The following RGS20 variants were observed in gnomAD, a reference collection of about 807,000 sequenced individuals.
RGS20 encodes gz-selective GTPase-activating protein.
In RGS20, 30 loss-of-function variants were observed where a neutral mutation model predicts 33.6. The ratio of observed to expected loss-of-function variants is 0.89; its 90% CI spans 0.67 to 1.21. RGS20 has a LOEUF of 1.21. RGS20 is among the 50% of genes most tolerant of loss of function. RGS20 has a pLI of 0.00. For missense variants in RGS20, 472 were observed against 502.4 expected (o/e 0.94, Z 0.58); for synonymous variants, 208 against 197.9 (o/e 1.05, Z -0.43).
rs34316630 is a variant in RGS20, at chr8:53,889,412, C to CTTT, written c.510+9847_510+9849dup. On this transcript the variant is annotated intron_variant, in intron 2 of 5. Transcript: ENST00000297313. ...TCTTTCTTTCTTTCTCTCTCTCTCT[C>CTTT]TTTTTTTTTTTTTTTTTTTTTTTTT... 4.3e-3 allele frequency among the ~76,000 whole-genome samples: 178 copies of CTTT among 41,824 alleles called. 45 individuals are homozygous for CTTT. Among genetic ancestry groups the CTTT allele is most frequent in the Non-Finnish European group, 6.9e-3 (111 of 16,094 alleles). 27.4% of individuals were successfully genotyped at this position (41,824 alleles called of 152,430 possible). A position where few individuals can be genotyped will look rare whatever the true frequency, so the allele number is the denominator to read the frequency against.
chr8:53,857,227 C>T (rs1048106584), intron 1 of RGS20, among the ~76,000 whole-genome samples: 2 of 152,280 alleles, frequency 1.3e-5, no homozygotes, highest in African/African-American at 4.8e-5. Flanking sequence ...ATACTTCTCT[C>T]TGCCGTGGCT....
At chr8:53,946,834 C>A (rs1445571253) in intron 4 of RGS20, 86 bp downstream of exon 3, 2 of 1,075,756 alleles carry the variant, frequency 1.9e-6, no homozygotes, top group Non-Finnish European at 1.4e-6. Flanking sequence ...TTCAACAGAA[C>A]ACATACTTTC....
At chr8:53,945,996 G>C (rs1814464713) in intron 3 of RGS20, among the ~76,000 whole-genome samples, 1 of 152,038 alleles carries the variant, frequency 6.6e-6, no homozygotes, top group Admixed American at 6.6e-5. Context: ...TAAGTTTACA[G>C]ACAAATGTAC....
chr8:53,926,504 G>A (rs980929712), intron 2 of RGS20, among the ~76,000 whole-genome samples: 7 of 152,082 alleles, frequency 4.6e-5, no homozygotes, highest in South Asian at 2.1e-4. Context: ...GTGTTTCATC[G>A]TATTCTCAAT....
At chr8:53,952,073 T>G (rs536526219) in intron 4 of RGS20, among the ~76,000 whole-genome samples, 1 of 149,216 alleles carries the variant, frequency 6.7e-6, no homozygotes, top group South Asian at 2.2e-4. Context: ...TTTTATTTTA[T>G]TTTACATCAT....
intron 2 of RGS20, among the ~76,000 whole-genome samples, chr8:53,884,500 A>G (rs1353967889): frequency 6.6e-6 from 1 of 152,210 alleles, no homozygotes; most frequent in Admixed American, 6.5e-5. Flanking sequence ...TTTTAGCTGA[A>G]ACACCCCTTA....
At chr8:53,886,015 G>C (rs1812532813) in intron 2 of RGS20, among the ~76,000 whole-genome samples, 1 of 152,088 alleles carries the variant, frequency 6.6e-6, no homozygotes, top group African/African-American at 2.4e-5. Flanking sequence ...GTGAATCACT[G>C]TCCAATTGGG....
chr8:53,874,420 G>A (rs1407570993), intron 1 of RGS20, among the ~76,000 whole-genome samples: 4 of 151,990 alleles, frequency 2.6e-5, no homozygotes, highest in South Asian at 2.1e-4. Flanking sequence ...GTGTGCTTGC[G>A]TGCATCTGTG....
At chr8:53,938,013 G>T (rs1232672405) in intron 2 of RGS20, among the ~76,000 whole-genome samples, 1 of 152,114 alleles carries the variant, frequency 6.6e-6, no homozygotes, top group Non-Finnish European at 1.5e-5. Flanking sequence ...ATACCATTTG[G>T]CCCAGCAATC....
intron 1 of RGS20, among the ~76,000 whole-genome samples, chr8:53,862,036 G>A (rs961942038): frequency 6.6e-6 from 1 of 152,192 alleles, no homozygotes; most frequent in East Asian, 1.9e-4. Flanking sequence ...AAGGTGAGGA[G>A]GGTGTGAGGA....
chr8:53,957,762 C>T (rs183791251), intron 5 of RGS20, among the ~76,000 whole-genome samples: 1 of 152,336 alleles, frequency 6.6e-6, no homozygotes, highest in Non-Finnish European at 1.5e-5. Flanking sequence ...CTGCTGATGC[C>T]ACTGACATTT....
At chr8:53,882,579 T>G (rs1008477462) in intron 2 of RGS20, among the ~76,000 whole-genome samples, 1 of 149,182 alleles carries the variant, frequency 6.7e-6, no homozygotes, top group African/African-American at 2.5e-5. Flanking sequence ...CCTGTCCGTC[T>G]CGTAACTTGG....
chr8:53,911,280 A>G (rs1158470528), intron 2 of RGS20, among the ~76,000 whole-genome samples: 1 of 152,234 alleles, frequency 6.6e-6, no homozygotes, highest in Non-Finnish European at 1.5e-5. Context: ...AATAATGAAA[A>G]TAAAAGCAGA....
Position 53,958,244 on chromosome 8 carries a change from C to T in RGS20, c.979-26C>T, listed in dbSNP as rs780850751. ...AGAGATACAACTGAAGTCTCTAATA[C>T]AGCTCCTACTCGTTTCTGTCGACAG... On this transcript the variant is annotated intron_variant, in intron 5 of 5. Coordinates refer to ENST00000297313, the MANE Select transcript of RGS20 (RefSeq NM_170587.4). 7 of 1,561,420 alleles carry T rather than the reference C, an allele frequency of 4.5e-6. No individual in the cohort carries two copies. In the African/African-American group the frequency reaches 8.2e-5, roughly 18 times the overall value.
At chr8:53,932,871 C>T (rs574516937) in intron 2 of RGS20, among the ~76,000 whole-genome samples, 3 of 152,246 alleles carry the variant, frequency 2.0e-5, no homozygotes, top group South Asian at 2.1e-4. Context: ...CATACAGGAG[C>T]GCTCCAACTG....
intron 3 of RGS20, among the ~76,000 whole-genome samples, chr8:53,941,109 G>T (rs1212577501): frequency 6.6e-6 from 1 of 152,188 alleles, no homozygotes; most frequent in Non-Finnish European, 1.5e-5. Context: ...CCTGAACAAC[G>T]TATTGTCCCG....
intron 2 of RGS20, among the ~76,000 whole-genome samples, chr8:53,931,795 A>G (rs569171361): frequency 6.6e-6 from 1 of 152,202 alleles, no homozygotes; most frequent in East Asian, 1.9e-4. Context: ...AGGAAGTGCA[A>G]GGTGTCAGGG....
chr8:53,894,888 G>A (rs1234510186), intron 2 of RGS20, among the ~76,000 whole-genome samples: 1 of 152,184 alleles, frequency 6.6e-6, no homozygotes, highest in Non-Finnish European at 1.5e-5. Flanking sequence ...ATTTTTTCTA[G>A]TGTCAGGATT....
chr8:53,953,445 T>G (rs943201180), intron 4 of RGS20, among the ~76,000 whole-genome samples: 5 of 151,414 alleles, frequency 3.3e-5, no homozygotes, highest in Non-Finnish European at 5.9e-5. Context: ...CATATGAGCC[T>G]AGTAAGTCGA....
Sources: gnomAD v4.1 joint callset for allele counts (sites outside exome capture counted in the v4.1 genomes callset) on GRCh38, gnomAD v4.1.1 for gene constraint, MANE v1.5 for transcripts, NCBI Gene and HGNC (gene_info 2026-07-23, HGNC 2026-07-21) for gene names.